GRIK1: variants seen among roughly 807,000 people sequenced by gnomAD.
GRIK1 encodes the protein glutamate receptor ionotropic, kainate 1.
Under a neutral mutation model 105.7 loss-of-function variants are expected in GRIK1, and 69 were observed. That is an observed-to-expected ratio of 0.65 (90% CI 0.54 to 0.80). The LOEUF (loss-of-function observed/expected upper bound fraction) is 0.80, where lower values mean the gene tolerates loss of function less well. Ranked by LOEUF, GRIK1 falls within the 30% of genes least tolerant of loss-of-function variation. The probability of loss-of-function intolerance (pLI) is 0.00; values close to 1 mark genes in which losing one functional copy is unlikely to be tolerated. For missense variants in GRIK1, 1,109 were observed against 1,167.3 expected, an observed-to-expected ratio of 0.95 and a Z score of 0.73; for synonymous variants, 438 against 431.3, an observed-to-expected ratio of 1.02 and a Z score of -0.19.
chr21:29,633,314 CA>C (rs2062325007), intron 7 of GRIK1, among the ~76,000 whole-genome samples: 1 of 152,124 alleles, frequency 6.6e-6, no homozygotes, highest in South Asian at 2.1e-4. Context: ...TCCTGGCCAA[CA>C]TGGTGAAACC....
chr21:29,914,376 C>A (rs571042002), intron 1 of GRIK1, among the ~76,000 whole-genome samples: 2 of 152,136 alleles, frequency 1.3e-5, no homozygotes, highest in South Asian at 4.2e-4. Context: ...CGAGAAAGCT[C>A]CCGAAGTAAG....
chr21:29,783,533 T>C (rs533192252), intron 1 of GRIK1, among the ~76,000 whole-genome samples: 51 of 152,320 alleles, frequency 3.3e-4, no homozygotes, highest in Non-Finnish European at 5.6e-4. Context: ...GCATATTTGG[T>C]AACTATTTTA....
At chr21:29,819,320 G>C (rs975785673) in intron 1 of GRIK1, among the ~76,000 whole-genome samples, 1 of 152,044 alleles carries the variant, frequency 6.6e-6, no homozygotes, top group African/African-American at 2.4e-5. Context: ...CTGCTTAGAA[G>C]CACTCATGGC....
At chr21:29,722,329 G>T (rs2064342684) in intron 1 of GRIK1, among the ~76,000 whole-genome samples, 1 of 151,804 alleles carries the variant, frequency 6.6e-6, no homozygotes, top group African/African-American at 2.4e-5. Context: ...GGCTGAGATG[G>T]GCAGATCACA....
chr21:29,880,067 C>A (rs2069347275), intron 1 of GRIK1, among the ~76,000 whole-genome samples: 1 of 151,988 alleles, frequency 6.6e-6, no homozygotes. Flanking sequence ...TGTATAATAA[C>A]CCTAATCAGA....
intron 15 of GRIK1, among the ~76,000 whole-genome samples, chr21:29,560,558 TTC>T (rs1207072124): frequency 1.6e-5 from 2 of 121,732 alleles, no homozygotes; most frequent in Non-Finnish European, 3.2e-5. Flanking sequence ...CTTTCTTTCT[TTC>T]TTTCTTTCTT....
At chr21:29,643,094 G>T in intron 6 of GRIK1, 125 bp from the exon 7 acceptor site, 1 of 871,382 alleles carries the variant, frequency 1.1e-6, no homozygotes, top group Non-Finnish European at 1.8e-6. Context: ...TTACTCTTCA[G>T]CTAGGTAGTT....
chr21:29,537,806 C>A lies in GRIK1; in HGVS notation c.2686G>T (p.Val896Leu). 4 of 1,492,750 alleles carry A rather than the reference C, an allele frequency of 2.7e-6. No homozygotes were observed. Among genetic ancestry groups the A allele is most frequent in the Non-Finnish European group, 2.8e-6 (3 of 1,070,804 alleles). The allele number at this position is 1,492,750 out of a possible 1,614,324, so 92.5% of individuals were successfully genotyped here. A position where few individuals can be genotyped will look rare whatever the true frequency, so the allele number is the denominator to read the frequency against. The part of the protein sequence containing the change: ...FHGRKKQSLG[V>L]EKCLSFNAIM... ...ATAGAAAATGAACAAACCTTCTCTA[C>A]ACCAAGGCTTTGTTTTTTTCTCCCA... is the stretch of plus-strand genomic sequence containing the variant. The change falls in exon 17 of 18, where the codon GTA becomes TTA. Residue 896 changes from valine to leucine, a missense_variant. Transcript: ENST00000327783.
intron 1 of GRIK1, among the ~76,000 whole-genome samples, chr21:29,768,589 T>C (rs907212951): frequency 4.6e-5 from 7 of 152,172 alleles, no homozygotes; most frequent in Admixed American, 3.9e-4. Context: ...CGGTTAAGAA[T>C]GGCACCATGG....
At chr21:29,841,324 T>C (rs867485127) in intron 1 of GRIK1, among the ~76,000 whole-genome samples, 25 of 152,176 alleles carry the variant, frequency 1.6e-4, no homozygotes, top group African/African-American at 5.5e-4. Flanking sequence ...AGCTTGTCTA[T>C]GGCTTCTTTC....
intron 1 of GRIK1, among the ~76,000 whole-genome samples, chr21:29,763,024 A>G (rs1304694951): frequency 6.6e-6 from 1 of 152,084 alleles, no homozygotes; most frequent in African/African-American, 2.4e-5. Flanking sequence ...TTCTCCTCCA[A>G]AGTAGTGCCA....
chr21:29,692,933 A>G (rs1202362780), intron 2 of GRIK1, among the ~76,000 whole-genome samples: 2 of 152,230 alleles, frequency 1.3e-5, no homozygotes, highest in East Asian at 3.8e-4. Context: ...GTTTGCAAAG[A>G]ACACTAGAAT....
chr21:29,846,138 C>T (rs1053297085), intron 1 of GRIK1, among the ~76,000 whole-genome samples: 1 of 152,086 alleles, frequency 6.6e-6, no homozygotes, highest in African/African-American at 2.4e-5. Context: ...CGCCTGTAAT[C>T]TCAGAACTTT....
chr21:29,848,824 G>A (rs1272024280), intron 1 of GRIK1, among the ~76,000 whole-genome samples: 8 of 129,836 alleles, frequency 6.2e-5, no homozygotes, highest in Non-Finnish European at 9.4e-5. Context: ...TTTGGTATAC[G>A]TAAAATGTGT....
intron 1 of GRIK1, among the ~76,000 whole-genome samples, chr21:29,811,676 A>G (rs1418777422): frequency 1.3e-5 from 2 of 152,264 alleles, no homozygotes; most frequent in African/African-American, 4.8e-5. Context: ...ATAATGGAAC[A>G]CAGGAATCTT....
In GRIK1 at chr21:29,745,972, C is replaced by T. The variant is rs571234406; in HGVS notation, c.119-51909G>A. On this transcript the variant is annotated intron_variant, in intron 1 of 17. Coordinates refer to ENST00000327783, the MANE Select transcript of GRIK1 (RefSeq NM_001330994.2). Reference sequence around the variant, plus strand: ...CAAAAAAATTAGCCAGGTGTGGTGGCGGGCGCCTGTAGTCCCAGCTACTCG... The same window carrying T: ...CAAAAAAATTAGCCAGGTGTGGTGGTGGGCGCCTGTAGTCCCAGCTACTCG... Among the ~76,000 whole-genome samples the T allele has an allele frequency of 5.9e-3, 890 of 152,068 alleles. 15 individuals carry two copies. Among genetic ancestry groups the T allele is most frequent in the African/African-American group, 0.02 (831 of 41,480 alleles).
chr21:29,913,848 A>G (rs2070903753), intron 1 of GRIK1, among the ~76,000 whole-genome samples: 1 of 151,878 alleles, frequency 6.6e-6, no homozygotes, highest in South Asian at 2.1e-4. Flanking sequence ...AGTTACACAT[A>G]TACATAAAAT....
intron 7 of GRIK1, among the ~76,000 whole-genome samples, chr21:29,631,837 T>A (rs2146485228): frequency 6.6e-6 from 1 of 152,344 alleles, no homozygotes; most frequent in East Asian, 1.9e-4. Flanking sequence ...TACTAAAAAC[T>A]CTAATATATA....
At chr21:29,878,304 C>G (rs2249708) in intron 1 of GRIK1, among the ~76,000 whole-genome samples, 1 of 151,836 alleles carries the variant, frequency 6.6e-6, no homozygotes, top group African/African-American at 2.4e-5. Context: ...AGAAGGTCAA[C>G]GCAAAAAGCA....
Sources: allele counts gnomAD v4.1 joint callset (sites outside exome capture counted in the v4.1 genomes callset), GRCh38; gene constraint gnomAD v4.1.1; transcripts MANE v1.5; gene names NCBI Gene and HGNC (gene_info 2026-07-23, HGNC 2026-07-21).